The following ABCA4 variants were observed in gnomAD, a reference collection of about 807,000 sequenced individuals.
ABCA4 encodes ATP binding cassette subfamily A member 4.
ABCA4 carries 196 observed loss-of-function variants against 263.7 expected under a neutral mutation model. That is an observed-to-expected ratio of 0.74 (90% CI 0.66 to 0.84). The LOEUF (loss-of-function observed/expected upper bound fraction) is 0.84. Among genes scored for constraint, ABCA4 ranks in the 40% least tolerant of loss-of-function variants. ABCA4 has a pLI of 0.00. For synonymous variants in ABCA4, 1,133 were observed against 1,094.2 expected (o/e 1.04, Z -0.70); for missense variants, 2,792 against 2,855.1 (o/e 0.98, Z 0.50).
At chr1:94,028,880 C>G (rs1660109191) in intron 30 of ABCA4, among the ~76,000 whole-genome samples, 1 of 116,148 alleles carries the variant, frequency 8.6e-6, no homozygotes, top group Admixed American at 1.3e-4. Context: ...GCACTCCAAC[C>G]TGGGTGACAG....
chr1:94,043,607 T>C lies in ABCA4; in HGVS notation c.3051-132A>G, dbSNP rs1230849111. Reference sequence around the variant, plus strand: ...ATGCTCACTGTGGTGGTGTTTATGATACAATACAAAAATAGCAGACCCTGC... The same window carrying C: ...ATGCTCACTGTGGTGGTGTTTATGACACAATACAAAAATAGCAGACCCTGC... On this transcript the variant is annotated intron_variant, in intron 20 of 49. Transcript: ENST00000370225. 10 of 1,275,822 alleles carry C rather than the reference T, an allele frequency of 7.8e-6. No individual in the cohort carries two copies. The East Asian group carries it at 2.0e-4, about 26-fold the overall frequency. The allele number at this position is 1,275,822 out of a possible 1,614,324, so 79.0% of individuals were successfully genotyped here.
At position 94,108,851 on chromosome 1, in the gene ABCA4, C is replaced by T. The variant is rs1309950858; in HGVS notation, c.303-135G>A. 5.4e-6 allele frequency: 6 copies of T among 1,112,942 alleles called. No individual in the cohort carries two copies. In the Admixed American group the frequency reaches 1.0e-4, roughly 19 times the overall value. The allele number at this position is 1,112,942 out of a possible 1,614,324, so 68.9% of individuals were successfully genotyped here. A position where few individuals can be genotyped will look rare whatever the true frequency, so the allele number is the denominator to read the frequency against. On this transcript the variant is annotated intron_variant, in intron 3 of 49. Coordinates refer to ENST00000370225, the MANE Select transcript of ABCA4 (RefSeq NM_000350.3). ...GCAGTGGCGTGATCTCGGCTCACTG[C>T]AAGCTCTGCCCCCCGGGTTCACGCT...
intron 1 of ABCA4, among the ~76,000 whole-genome samples, chr1:94,119,343 T>A (rs958210653): frequency 6.6e-5 from 10 of 152,142 alleles, no homozygotes; most frequent in Non-Finnish European, 1.5e-4. Flanking sequence ...CCCAGACAAG[T>A]CAGGTTTAAC....
chr1:94,017,367 C>T (rs1168831829), intron 36 of ABCA4, among the ~76,000 whole-genome samples: 1 of 152,192 alleles, frequency 6.6e-6, no homozygotes, highest in Admixed American at 6.5e-5. Context: ...AAGATGCACA[C>T]CCTCAACCTG....
At chr1:94,018,190 C>T (rs1352176837) in intron 36 of ABCA4, among the ~76,000 whole-genome samples, 6 of 150,356 alleles carry the variant, frequency 4.0e-5, no homozygotes, top group Admixed American at 1.3e-4. Flanking sequence ...TAAGCGCACA[C>T]GCGCGTGCGT....
intron 16 of ABCA4, among the ~76,000 whole-genome samples, chr1:94,054,154 T>C (rs1048925538): frequency 2.0e-5 from 3 of 152,232 alleles, no homozygotes; most frequent in African/African-American, 7.2e-5. Context: ...AAACAGCCAA[T>C]TTTCAGAAGC....
At chr1:94,020,143 G>A (rs1258948670) in intron 35 of ABCA4, among the ~76,000 whole-genome samples, 1 of 152,170 alleles carries the variant, frequency 6.6e-6, no homozygotes, top group African/African-American at 2.4e-5. Context: ...TACGGTCTGT[G>A]AGATTTATCT....
At chr1:94,002,677 C>G (rs536315379) in intron 44 of ABCA4, among the ~76,000 whole-genome samples, 2 of 152,252 alleles carry the variant, frequency 1.3e-5, no homozygotes, top group Non-Finnish European at 2.9e-5. Context: ...GAATGTTCCT[C>G]CCTAGGTGTG....
intron 28 of ABCA4, 134 bp from the exon 29 acceptor site, chr1:94,030,660 A>G (rs1470507612): frequency 1.1e-6 from 1 of 909,060 alleles, no homozygotes; most frequent in Non-Finnish European, 1.8e-6. Context: ...GGATGGCGCT[A>G]GCTCTCCTGG....
At chr1:94,049,934 G>T (rs1387990763) in intron 17 of ABCA4, among the ~76,000 whole-genome samples, 2 of 152,182 alleles carry the variant, frequency 1.3e-5, no homozygotes, top group Non-Finnish European at 2.9e-5. Flanking sequence ...AGAAGGGCCA[G>T]TCAGTCTGCC....
chr1:93,993,324 G>A, intron 49 of ABCA4, 82 bp from the exon 50 acceptor site: 1 of 1,588,878 alleles, frequency 6.3e-7, no homozygotes, highest in South Asian at 1.1e-5. Context: ...AAGCTAAACA[G>A]TTGTCAATCA....
At chr1:94,032,507 G>C (rs1002359674) in intron 26 of ABCA4, among the ~76,000 whole-genome samples, 1 of 152,042 alleles carries the variant, frequency 6.6e-6, no homozygotes, top group Non-Finnish European at 1.5e-5. Context: ...ATGGTGGCAG[G>C]CACCTGTAAT....
rs1660841662 is a variant in ABCA4, at chr1:94,051,613, T to G, written c.2653+20A>C. The stretch of plus-strand genomic sequence containing the variant: ...AGGAGTTGATTTCAAACATTAAGAT[T>G]TGTGTTTTAAAGGACTCACCTTCAC... On this transcript the variant is annotated intron_variant, in intron 17 of 49. Coordinates refer to ENST00000370225, the MANE Select transcript of ABCA4 (RefSeq NM_000350.3). The G allele has an allele frequency of 1.2e-6, 2 of 1,601,064 alleles. No individual in the cohort carries two copies. The highest frequency in any genetic ancestry group is 4.5e-5 in the East Asian group (2 of 44,828).
intron 7 of ABCA4, 69 bp from the exon 8 acceptor site, chr1:94,080,787 C>T (rs1661676016): frequency 3.1e-6 from 5 of 1,602,092 alleles, no homozygotes; most frequent in Non-Finnish European, 4.3e-6. Flanking sequence ...GAGGCCAATG[C>T]TCCAACGTTT....
intron 38 of ABCA4, among the ~76,000 whole-genome samples, chr1:94,013,567 C>T (rs1571251895): frequency 6.6e-6 from 1 of 152,166 alleles, no homozygotes; most frequent in African/African-American, 2.4e-5. Flanking sequence ...CAAGGACAGC[C>T]ACAGCCAGGA....
At chr1:94,027,152 G>A (rs1660063707) in intron 30 of ABCA4, among the ~76,000 whole-genome samples, 1 of 152,188 alleles carries the variant, frequency 6.6e-6, no homozygotes, top group Admixed American at 6.5e-5. Flanking sequence ...TCCAATGGAA[G>A]GCACGTATAA....
At chr1:94,078,011 T>G in intron 10 of ABCA4, 124 bp from the exon 11 acceptor site, 1 of 910,736 alleles carries the variant, frequency 1.1e-6, no homozygotes. Context: ...CCTGAAGAGC[T>G]GGTGAGCTTG....
chr1:94,117,729 C>T (rs1662830156), intron 1 of ABCA4, among the ~76,000 whole-genome samples: 1 of 152,134 alleles, frequency 6.6e-6, no homozygotes, highest in Admixed American at 6.5e-5. Context: ...AGACCTCCTC[C>T]TCACCTCCCA....
chr1:94,104,003 C>T (rs1662354211), intron 4 of ABCA4, among the ~76,000 whole-genome samples: 1 of 152,194 alleles, frequency 6.6e-6, no homozygotes, highest in South Asian at 2.1e-4. Flanking sequence ...TCCACATCTA[C>T]CTCATAGGAT....
Sources: gnomAD v4.1 joint callset for allele counts (sites outside exome capture counted in the v4.1 genomes callset) on GRCh38, gnomAD v4.1.1 for gene constraint, MANE v1.5 for transcripts, NCBI Gene and HGNC (gene_info 2026-07-23, HGNC 2026-07-21) for gene names.